TTC27: variants seen among roughly 807,000 people sequenced by gnomAD.
TTC27 encodes the protein tetratricopeptide repeat domain 27, also known as tetratricopeptide repeat protein 27.
A neutral mutation model predicts 115.9 loss-of-function variants in TTC27; 79 were observed. That is an observed-to-expected ratio of 0.68 (90% CI 0.57 to 0.82). The LOEUF (loss-of-function observed/expected upper bound fraction) is 0.82. Ranked by LOEUF, TTC27 falls within the 40% of genes least tolerant of loss-of-function variation. The pLI is 0.00. For missense variants in TTC27, 1,054 were observed against 993.1 expected (o/e 1.06, Z -0.82); for synonymous variants, 401 against 356.0 (o/e 1.13, Z -1.42).
At chr2:32,711,383 C>G (rs1667575893) in intron 10 of TTC27, among the ~76,000 whole-genome samples, 1 of 152,152 alleles carries the variant, frequency 6.6e-6, no homozygotes, top group Non-Finnish European at 1.5e-5. Context: ...GATCATGTGA[C>G]AGGATGAATG....
At position 32,628,290 on chromosome 2, in the gene TTC27, G is replaced by T. The variant is rs1353681277; in HGVS notation, c.-3G>T. 2 of 1,602,796 alleles carry T rather than the reference G, an allele frequency of 1.2e-6. No individual in the cohort carries two copies. The highest frequency in any genetic ancestry group is 2.7e-5 in the African/African-American group (2 of 74,894). ...TGTTTTGGCTGCAGCGGTGTCTGGG[G>T]TGATGTGGACCCCGGAGCTGGCAAT... On this transcript the variant is annotated 5_prime_UTR_variant, in exon 1 of 20. Transcript: ENST00000317907.
At chr2:32,798,704 C>CAAAAAAAAAAAA (rs1168987401) in intron 16 of TTC27, among the ~76,000 whole-genome samples, 1 of 121,206 alleles carries the variant, frequency 8.3e-6, no homozygotes, top group Non-Finnish European at 1.7e-5. Context: ...GACTCCAGCT[C>CAAAAAAAAAAAA]AAAAAAAAAA....
intron 16 of TTC27, among the ~76,000 whole-genome samples, chr2:32,794,397 T>A (rs1437595976): frequency 6.6e-6 from 1 of 152,008 alleles, no homozygotes; most frequent in Admixed American, 6.6e-5. Context: ...TACTTAGAGA[T>A]GAATGAAAAT....
intron 9 of TTC27, among the ~76,000 whole-genome samples, chr2:32,699,657 T>C (rs1667116252): frequency 1.3e-5 from 2 of 152,240 alleles, no homozygotes; most frequent in African/African-American, 4.8e-5. Flanking sequence ...CAGTGTTTTA[T>C]AAAATATATT....
At position 32,794,838 on chromosome 2, in the gene TTC27, A is replaced by G. The variant is rs568210346; in HGVS notation, c.1998+7689A>G. Among the ~76,000 whole-genome samples the G allele has an allele frequency of 5.9e-5, 9 of 152,272 alleles. No individual in the cohort carries two copies. The South Asian group carries it at 1.9e-3, about 32-fold the overall frequency. ...TATGTCAACAAAGTAGATAACCTAG[A>G]TGAAATAGATAAATTCCTAGAAACA... On this transcript the variant is annotated intron_variant, in intron 16 of 19. Coordinates refer to ENST00000317907, the MANE Select transcript of TTC27 (RefSeq NM_017735.5).
chr2:32,807,958 A>G (rs1671189857), intron 16 of TTC27, among the ~76,000 whole-genome samples: 1 of 124,688 alleles, frequency 8.0e-6, no homozygotes, highest in African/African-American at 3.2e-5. Context: ...TTGGAGACAG[A>G]GTTTCGCTCT....
At chr2:32,712,399 A>G (rs1376349168) in intron 10 of TTC27, among the ~76,000 whole-genome samples, 2 of 152,210 alleles carry the variant, frequency 1.3e-5, no homozygotes, top group Non-Finnish European at 1.5e-5. Flanking sequence ...TATGGAAACT[A>G]TTTTAATGGC....
chr2:32,650,100 T>G (rs751381067), intron 4 of TTC27, 31 bp from the exon 5 acceptor site: 1 of 1,557,514 alleles, frequency 6.4e-7, no homozygotes, highest in Admixed American at 1.8e-5. Context: ...AAGTATCCTT[T>G]TATTTCAGCT....
chr2:32,673,795 G>C (rs1559199583), intron 8 of TTC27, among the ~76,000 whole-genome samples: 1 of 152,030 alleles, frequency 6.6e-6, no homozygotes, highest in Non-Finnish European at 1.5e-5. Flanking sequence ...AGGAGTTTGA[G>C]ACCAGGCTGG....
At chr2:32,775,620 C>G in intron 13 of TTC27, among the ~76,000 whole-genome samples, 1 of 152,032 alleles carries the variant, frequency 6.6e-6, no homozygotes, top group East Asian at 1.9e-4. Context: ...TTGATTTAGT[C>G]TCAAAATAAG....
chr2:32,797,325 G>A (rs947402749), intron 16 of TTC27, among the ~76,000 whole-genome samples: 3 of 151,922 alleles, frequency 2.0e-5, no homozygotes, highest in African/African-American at 7.3e-5. Context: ...GACCACAGGA[G>A]CATGCCACCA....
chr2:32,766,421 C>A, intron 13 of TTC27: 2 of 362,282 alleles, frequency 5.5e-6, no homozygotes, highest in South Asian at 2.3e-5. Flanking sequence ...CGCTGAGAGG[C>A]ACTGTAGGGT....
chr2:32,661,068 C>G (rs13016481), intron 5 of TTC27, among the ~76,000 whole-genome samples: 40,598 of 151,974 alleles, frequency 0.27, 5,975 homozygotes, highest in Middle Eastern at 0.46. Context: ...TGTCAAAGAT[C>G]AAATGATTGT....
chr2:32,641,917 G>T (rs368928718), intron 4 of TTC27, among the ~76,000 whole-genome samples: 1 of 151,988 alleles, frequency 6.6e-6, no homozygotes, highest in Non-Finnish European at 1.5e-5. Context: ...GTGCAGTGGC[G>T]TGATCTTGAC....
chr2:32,650,086 T>C (rs1665033397), intron 4 of TTC27, 45 bp from the exon 5 acceptor site: 1 of 1,498,720 alleles, frequency 6.7e-7, no homozygotes, highest in Non-Finnish European at 9.2e-7. Context: ...AAAAGAGTTT[T>C]CTAAAGTATC....
chr2:32,680,768 T>C (rs1377803363), intron 9 of TTC27, among the ~76,000 whole-genome samples: 1 of 152,182 alleles, frequency 6.6e-6, no homozygotes, highest in Non-Finnish European at 1.5e-5. Context: ...TTTCTTGGGA[T>C]TGGTCCATAA....
At chr2:32,632,620 T>G (rs1328826291) in intron 2 of TTC27, among the ~76,000 whole-genome samples, 1 of 152,238 alleles carries the variant, frequency 6.6e-6, no homozygotes, top group East Asian at 1.9e-4. Context: ...GCTGCTTATT[T>G]GCATTGCATC....
intron 16 of TTC27, among the ~76,000 whole-genome samples, chr2:32,799,151 A>C (rs1486206495): frequency 1.3e-5 from 2 of 152,236 alleles, no homozygotes; most frequent in Non-Finnish European, 2.9e-5. Context: ...CAAATACTGT[A>C]TGATTCCACT....
chr2:32,814,849 C>G (rs940937621), intron 18 of TTC27, among the ~76,000 whole-genome samples: 7 of 152,170 alleles, frequency 4.6e-5, no homozygotes, highest in African/African-American at 1.7e-4. Flanking sequence ...GATGTTCTCA[C>G]AACAACAAAA....
Sources: allele counts gnomAD v4.1 joint callset (sites outside exome capture counted in the v4.1 genomes callset), GRCh38; gene constraint gnomAD v4.1.1; transcripts MANE v1.5; gene names NCBI Gene and HGNC (gene_info 2026-07-23, HGNC 2026-07-21).